The following CAPS2 variants were observed in gnomAD, a reference collection of about 807,000 sequenced individuals.
CAPS2 encodes the protein calcyphosin-2.
In CAPS2, 98 loss-of-function variants were observed where a neutral mutation model predicts 86.5. The ratio of observed to expected loss-of-function variants is 1.13; its 90% confidence interval spans 0.96 to 1.34. The LOEUF is 1.34. Among genes scored for constraint, CAPS2 ranks in the 40% most tolerant of loss-of-function variants. The pLI is 0.00. For missense variants in CAPS2, 729 were observed against 686.8 expected (o/e 1.06, Z -0.69); for synonymous variants, 210 against 225.1 (o/e 0.93, Z 0.60).
intron 11 of CAPS2, among the ~76,000 whole-genome samples, chr12:75,294,613 C>T (rs1252060022): frequency 6.6e-6 from 1 of 152,116 alleles, no homozygotes; most frequent in Admixed American, 6.5e-5. Flanking sequence ...TTTTCCCCCT[C>T]CCCCACCTCG....
chr12:75,353,537 C>G lies in CAPS2; in HGVS notation c.-394-30315G>C, dbSNP rs111699379. On this transcript the variant is annotated intron_variant, in intron 1 of 5. Coordinates refer to the CAPS2 transcript ENST00000551829. ...CAACCAAAAACAGCACAGGACCAGACAGATTTACAGCTGAATTCTACCAGA... is the reference window on the plus strand; with the variant it reads ...CAACCAAAAACAGCACAGGACCAGAGAGATTTACAGCTGAATTCTACCAGA... Among the ~76,000 whole-genome samples the G allele has an allele frequency of 2.8e-3, 431 of 152,260 alleles. 2 individuals carry two copies. Among genetic ancestry groups the G allele is most frequent in the African/African-American group, 0.01 (417 of 41,552 alleles).
At chr12:75,374,259 T>C (rs148543408) in intron 1 of CAPS2, among the ~76,000 whole-genome samples, 8 of 152,310 alleles carry the variant, frequency 5.3e-5, no homozygotes, top group Non-Finnish European at 8.8e-5. Flanking sequence ...TCTCCTATTC[T>C]AGACCCACAC....
At chr12:75,291,557 A>T (rs1161721072) in intron 13 of CAPS2, among the ~76,000 whole-genome samples, 187 bp downstream of exon 13, 2 of 79,172 alleles carry the variant, frequency 2.5e-5, no homozygotes, top group Admixed American at 1.5e-4. Context: ...TATATAGCTT[A>T]TTTTTAAAAG....
intron 1 of CAPS2, among the ~76,000 whole-genome samples, chr12:75,364,431 C>CA (rs2043828557): frequency 6.6e-6 from 1 of 152,228 alleles, no homozygotes; most frequent in Non-Finnish European, 1.5e-5. Flanking sequence ...GTCAGGGTGG[C>CA]ATGGCTGCCT....
intron 1 of CAPS2, chr12:75,362,960 T>A (rs920585584): frequency 2.0e-6 from 1 of 506,096 alleles, no homozygotes; most frequent in Admixed American, 4.2e-5. Flanking sequence ...ACAAAAGAAA[T>A]GAAAATAAAA....
At chr12:75,386,456 A>T (rs764168711) in intron 1 of CAPS2, among the ~76,000 whole-genome samples, 3 of 152,172 alleles carry the variant, frequency 2.0e-5, no homozygotes, top group African/African-American at 7.2e-5. Flanking sequence ...GAGTGCATGC[A>T]CATGTGCAAA....
At chr12:75,305,717 C>A in intron 7 of CAPS2, 1 of 678,176 alleles carries the variant, frequency 1.5e-6, no homozygotes. Flanking sequence ...GCACGACGAG[C>A]TCGTGTGGTA....
At chr12:75,325,577 G>T (rs1565914323) in intron 1 of CAPS2, among the ~76,000 whole-genome samples, 1 of 152,162 alleles carries the variant, frequency 6.6e-6, no homozygotes, top group East Asian at 1.9e-4. Flanking sequence ...ATAGCAGTAT[G>T]CCCAACCTAC....
chr12:75,321,443 T>C, exon 5 of CAPS2: 1 of 1,548,046 alleles, frequency 6.5e-7, no homozygotes, highest in Non-Finnish European at 8.7e-7. Flanking sequence ...ATGTGTAACA[T>C]TTGATTTTGT....
At chr12:75,286,559 G>T (rs1053531065) in intron 14 of CAPS2, among the ~76,000 whole-genome samples, 2 of 151,462 alleles carry the variant, frequency 1.3e-5, no homozygotes, top group African/African-American at 4.8e-5. Flanking sequence ...CAAAGATACA[G>T]TACACAATGG....
chr12:75,301,644 T>C (rs1314937711), intron 8 of CAPS2, among the ~76,000 whole-genome samples: 1 of 152,188 alleles, frequency 6.6e-6, no homozygotes, highest in African/African-American at 2.4e-5. Flanking sequence ...ATGAGTAAAT[T>C]GTCCAGGGCC....
upstream of CAPS2, among the ~76,000 whole-genome samples, chr12:75,333,212 ATC>A (rs2041455463): frequency 6.6e-6 from 1 of 150,818 alleles, no homozygotes; most frequent in Non-Finnish European, 1.5e-5. Flanking sequence ...AGACATCTGT[ATC>A]TCTCTCTGTG....
intron 1 of CAPS2, among the ~76,000 whole-genome samples, chr12:75,354,906 C>T (rs1312640275): frequency 6.6e-6 from 1 of 152,154 alleles, no homozygotes; most frequent in Non-Finnish European, 1.5e-5. Context: ...ATAGATGGTG[C>T]TGGGAGAACA....
At chr12:75,338,363 G>A (rs1327663292) in intron 1 of CAPS2, among the ~76,000 whole-genome samples, 1 of 152,114 alleles carries the variant, frequency 6.6e-6, no homozygotes, top group Non-Finnish European at 1.5e-5. Context: ...TGAAAAATCT[G>A]TGAGAAATCT....
intron 1 of CAPS2, among the ~76,000 whole-genome samples, chr12:75,387,923 T>C (rs575301691): frequency 6.6e-6 from 1 of 152,350 alleles, no homozygotes; most frequent in East Asian, 1.9e-4. Flanking sequence ...ATGCTCATGG[T>C]ATTTATCCAA....
chr12:75,362,931 G>A (rs529917957), intron 1 of CAPS2, among the ~76,000 whole-genome samples: 19 of 152,040 alleles, frequency 1.2e-4, no homozygotes, highest in Non-Finnish European at 2.5e-4. Flanking sequence ...GTAAGGAATT[G>A]TTTTAATAGC....
At chr12:75,325,813 G>A (rs1468801659) in intron 1 of CAPS2, among the ~76,000 whole-genome samples, 1 of 151,890 alleles carries the variant, frequency 6.6e-6, no homozygotes, top group African/African-American at 2.4e-5. Context: ...TGTGAGGGGG[G>A]GTAGGGCCAA....
chr12:75,319,151 A>G (rs2040063078), intron 5 of CAPS2, among the ~76,000 whole-genome samples: 1 of 152,144 alleles, frequency 6.6e-6, no homozygotes, highest in African/African-American at 2.4e-5. Context: ...TGACAACAAG[A>G]GATTTATCAC....
intron 2 of CAPS2, 86 bp from the exon 4 acceptor site, chr12:75,323,308 T>C: frequency 1.8e-6 from 2 of 1,087,960 alleles, no homozygotes; most frequent in African/African-American, 1.6e-5. Flanking sequence ...GTTTTATAAA[T>C]AGGTACACTG....
Sources: gnomAD v4.1 joint callset for allele counts (sites outside exome capture counted in the v4.1 genomes callset) on GRCh38, gnomAD v4.1.1 for gene constraint, MANE v1.5 for transcripts, NCBI Gene and HGNC (gene_info 2026-07-23, HGNC 2026-07-21) for gene names.